Variants in SGF29 observed in about 807,000 individuals in gnomAD.
SGF29 encodes SAGA complex associated factor 29, also known as SAGA-associated factor 29.
SGF29 carries 15 observed loss-of-function variants against 38.1 expected under a neutral mutation model. The observed-to-expected ratio is 0.39, with a 90% CI of 0.26 to 0.61. The LOEUF is 0.61. Among genes scored for constraint, SGF29 ranks in the 20% least tolerant of loss-of-function variants. SGF29 has a pLI of 0.49. For synonymous variants in SGF29, 151 were observed against 160.8 expected (o/e 0.94, Z 0.46); for missense variants, 184 against 394.6 (o/e 0.47, Z 4.52).
chr16:28,554,510 C>G (rs2046734213), intron 1 of SGF29, among the ~76,000 whole-genome samples: 1 of 152,160 alleles, frequency 6.6e-6, no homozygotes, highest in Non-Finnish European at 1.5e-5. Context: ...TAGTTCTTAA[C>G]AAGATACACT....
intron 1 of SGF29, among the ~76,000 whole-genome samples, chr16:28,557,973 T>G (rs905950632): frequency 2.8e-5 from 4 of 143,426 alleles, no homozygotes; most frequent in Non-Finnish European, 4.6e-5. Flanking sequence ...CTGTTTTTTT[T>G]TTTTTTTTTT....
intron 9 of SGF29, 42 bp from the exon 10 acceptor site, chr16:28,591,548 T>TG (rs1567294382): frequency 7.0e-7 from 1 of 1,433,040 alleles, no homozygotes; most frequent in Non-Finnish European, 9.9e-7. Flanking sequence ...TGTCCTGGCC[T>TG]GGGGGTCTCT....
chr16:28,570,531 T>C (rs2046858525), intron 1 of SGF29, among the ~76,000 whole-genome samples: 1 of 151,300 alleles, frequency 6.6e-6, no homozygotes, highest in African/African-American at 2.4e-5. Flanking sequence ...ATTGATTGAT[T>C]GATTTTTTTA....
rs1220063230 is a variant in SGF29, at chr16:28,561,282, G to A, written c.-16+7185G>A. Among the ~76,000 whole-genome samples, 4 of 151,830 alleles carry A rather than the reference G, an allele frequency of 2.6e-5. 1 individual carries two copies. The highest frequency in any genetic ancestry group is 2.0e-4 in the Admixed American group (3 of 15,218). ...ACAGTGGCTCACGCCTGTAATCCCA[G>A]TACTTTTTGGGAGGCTGAGGCAGGC... On this transcript the variant is annotated intron_variant, in intron 1 of 9. Transcript: ENST00000317058.
At position 28,590,261 on chromosome 16, in the gene SGF29, C is replaced by A; in HGVS notation, c.420-35C>A. ...CAGCTGCGAGGGAGGGGCTGGTGCC[C>A]AGGGGCTGGGACTGACCCTTTGTTC... On this transcript the variant is annotated intron_variant, in intron 6 of 9. Transcript: ENST00000317058. This position sits in a 1 kb window ranked among gnomAD's most constrained non-coding sequence, Gnocchi z 8.2. 1.2e-6 allele frequency: 2 copies of A among 1,608,568 alleles called. No homozygotes were observed. Among genetic ancestry groups the A allele is most frequent in the Non-Finnish European group, 1.7e-6 (2 of 1,177,756 alleles).
intron 1 of SGF29, among the ~76,000 whole-genome samples, chr16:28,564,403 G>A (rs1359106577): frequency 2.7e-5 from 4 of 150,784 alleles, no homozygotes; most frequent in African/African-American, 4.9e-5. Context: ...ATCTTCCACC[G>A]GGTTAGAGAA....
chr16:28,561,651 G>A (rs2046790910), intron 1 of SGF29, among the ~76,000 whole-genome samples: 1 of 152,190 alleles, frequency 6.6e-6, no homozygotes, highest in African/African-American at 2.4e-5. Flanking sequence ...AGGGTACTGG[G>A]CGTTACCTCA....
At chr16:28,569,984 T>G (rs2046855683) in intron 1 of SGF29, among the ~76,000 whole-genome samples, 1 of 152,030 alleles carries the variant, frequency 6.6e-6, no homozygotes, top group Admixed American at 6.6e-5. Context: ...CCACCTAGAT[T>G]GTAAAGGATG....
At chr16:28,587,789 T>C (rs2046963408) in intron 4 of SGF29, among the ~76,000 whole-genome samples, 1 of 152,178 alleles carries the variant, frequency 6.6e-6, no homozygotes, top group South Asian at 2.1e-4. Context: ...TTTGTGCTGC[T>C]GACTACTGTG....
intron 1 of SGF29, among the ~76,000 whole-genome samples, chr16:28,579,910 G>A (rs934765987): frequency 6.6e-6 from 1 of 151,536 alleles, no homozygotes; most frequent in Non-Finnish European, 1.5e-5. Context: ...CAGCCTAGGT[G>A]ACAGGGCAAG....
Position 28,554,351 on chromosome 16 carries a change from A to C in SGF29, c.-16+254A>C, listed in dbSNP as rs545838731. 5.6e-4 allele frequency among the ~76,000 whole-genome samples: 85 copies of C among 151,556 alleles called. 2 individuals are homozygous for C. The South Asian group carries it at 0.017, about 30-fold the overall frequency. On this transcript the variant is annotated intron_variant, in intron 1 of 9. Coordinates refer to ENST00000317058, the MANE Select transcript of SGF29 (RefSeq NM_138414.3). ...CGCTTGCGTGCTTCCATCCCCGGCG[A>C]GGGTGGGAAACAGCGACACGCTGGG...
chr16:28,580,258 G>A (rs72622206), intron 1 of SGF29, among the ~76,000 whole-genome samples: 5,727 of 152,220 alleles, frequency 0.038, 231 homozygotes, highest in East Asian at 0.21. Flanking sequence ...GAGAATCCAA[G>A]GATAGCTTGC....
At chr16:28,554,254 G>GT (rs1358256153) in intron 1 of SGF29, 157 bp downstream of exon 1, 1 of 151,518 alleles carries the variant, frequency 6.6e-6, no homozygotes, top group Non-Finnish European at 1.5e-5. Flanking sequence ...GCTCGTGGGG[G>GT]TGGGGGCGGG....
chr16:28,564,564 T>TATATATATAC (rs2046812981), intron 1 of SGF29, among the ~76,000 whole-genome samples: 4 of 121,884 alleles, frequency 3.3e-5, no homozygotes, highest in East Asian at 2.2e-4. Context: ...TATATATATA[T>TATATATATAC]ACGTATATAT....
rs554818166 is a variant in SGF29 at position 28,554,239 on chromosome 16, G to A, written c.-16+142G>A. ...CGCACGCGCTCTGGGCGGGAGGGGG[G>A]CGGGGCTCGTGGGGGTGGGGGCGGG... On this transcript the variant is annotated intron_variant, in intron 1 of 9. Coordinates refer to ENST00000317058, the MANE Select transcript of SGF29 (RefSeq NM_138414.3). 1.1e-3 allele frequency: 174 copies of A among 151,860 alleles called. 1 individual carries two copies. Among genetic ancestry groups the A allele is most frequent in the African/African-American group, 4.1e-3 (168 of 41,422 alleles). The allele number at this position is 151,860 out of a possible 1,614,324, so 9.4% of individuals were successfully genotyped here.
At chr16:28,566,199 G>A (rs975667378) in intron 1 of SGF29, among the ~76,000 whole-genome samples, 3 of 151,746 alleles carry the variant, frequency 2.0e-5, no homozygotes, top group Non-Finnish European at 2.9e-5. Context: ...GCATGAACCC[G>A]GGAGGCAGAG....
intron 1 of SGF29, among the ~76,000 whole-genome samples, chr16:28,576,272 A>C (rs2046892933): frequency 6.6e-6 from 1 of 152,164 alleles, no homozygotes; most frequent in South Asian, 2.1e-4. Flanking sequence ...AGGAGGAGGG[A>C]GAAGCGGGAA....
intron 1 of SGF29, among the ~76,000 whole-genome samples, chr16:28,564,419 C>T (rs539697726): frequency 6.7e-6 from 1 of 149,934 alleles, no homozygotes; most frequent in Admixed American, 6.8e-5. Context: ...GAGAAGGAGG[C>T]GGCAACAAAC....
chr16:28,564,553 A>ATATATATATACGTATATATATACACG (rs770445898), intron 1 of SGF29, among the ~76,000 whole-genome samples: 1 of 108,732 alleles, frequency 9.2e-6, no homozygotes, highest in Non-Finnish European at 1.8e-5. Flanking sequence ...ATATATACGT[A>ATATATATATACGTATATATATACACG]TATATATATA....
Sources: allele counts gnomAD v4.1 joint callset (sites outside exome capture counted in the v4.1 genomes callset), GRCh38; gene constraint gnomAD v4.1.1; non-coding constraint Gnocchi (gnomAD v3.1); transcripts MANE v1.5; gene names NCBI Gene and HGNC (gene_info 2026-07-23, HGNC 2026-07-21).